Variants in SLC7A9 observed in about 807,000 individuals in gnomAD.
SLC7A9 encodes B(0,+)-type amino acid transporter 1.
SLC7A9 carries 38 observed loss-of-function variants against 54.1 expected under a neutral mutation model. The observed-to-expected ratio is 0.70, with a 90% confidence interval of 0.54 to 0.92. The LOEUF (loss-of-function observed/expected upper bound fraction) is 0.92. SLC7A9 is among the 40% of genes least tolerant of loss of function. SLC7A9 has a pLI of 0.00. For missense variants in SLC7A9, 537 were observed against 636.1 expected (o/e 0.84, Z 1.68); for synonymous variants, 264 against 258.9 (o/e 1.02, Z -0.19).
intron 9 of SLC7A9, among the ~76,000 whole-genome samples, chr19:32,853,289 C>T (rs185702497): frequency 1.4e-4 from 22 of 152,092 alleles, no homozygotes; most frequent in African/African-American, 3.9e-4. Context: ...CCTGGAGCTG[C>T]GGGTGAAAGC....
chr19:32,847,562 G>T (rs1294670470), intron 9 of SLC7A9, among the ~76,000 whole-genome samples: 1 of 152,192 alleles, frequency 6.6e-6, no homozygotes, highest in Admixed American at 6.5e-5. Context: ...ACGTCTGATT[G>T]GTGTACCTGA....
chr19:32,845,825 T>C (rs1364287787), intron 9 of SLC7A9, among the ~76,000 whole-genome samples: 3 of 152,060 alleles, frequency 2.0e-5, no homozygotes, highest in African/African-American at 7.2e-5. Flanking sequence ...CTGGCCAACA[T>C]AGTGAAACCC....
intron 2 of SLC7A9, among the ~76,000 whole-genome samples, chr19:32,864,988 G>A (rs990527636): frequency 2.0e-5 from 3 of 152,176 alleles, no homozygotes; most frequent in Admixed American, 6.5e-5. Context: ...ACAGCCCCGC[G>A]AGCTGGCCAC....
At position 32,862,347 on chromosome 19, in the gene SLC7A9, C is replaced by T; in HGVS notation, c.604+114G>A. Reference sequence around the variant, plus strand: ...GCCCTGAAACTAAGGATCCCTCCCACCGAGTTCCTGCCATGCTTCCTTGGA... The same window carrying T: ...GCCCTGAAACTAAGGATCCCTCCCATCGAGTTCCTGCCATGCTTCCTTGGA... On this transcript the variant is annotated intron_variant, in intron 5 of 12. Transcript: ENST00000023064. 4 of 1,513,176 alleles carry T rather than the reference C, an allele frequency of 2.6e-6. No individual in the cohort carries two copies. In the Admixed American group the frequency reaches 6.7e-5, roughly 25 times the overall value. The allele number at this position is 1,513,176 out of a possible 1,614,324, so 93.7% of individuals were successfully genotyped here.
chr19:32,858,750 C>T (rs889056865), intron 8 of SLC7A9, among the ~76,000 whole-genome samples: 6 of 133,242 alleles, frequency 4.5e-5, no homozygotes, highest in African/African-American at 1.6e-4. Flanking sequence ...CTCTTATCTA[C>T]TACTCCCTGG....
intron 9 of SLC7A9, among the ~76,000 whole-genome samples, chr19:32,857,435 C>T (rs1201755178): frequency 1.3e-5 from 2 of 151,880 alleles, no homozygotes; most frequent in Non-Finnish European, 2.9e-5. Context: ...CAGAGTGAGA[C>T]CTTGCCTCAA....
chr19:32,831,124 G>A (rs1485454456), intron 12 of SLC7A9, among the ~76,000 whole-genome samples: 1 of 151,424 alleles, frequency 6.6e-6, no homozygotes, highest in Non-Finnish European at 1.5e-5. Flanking sequence ...GGTTTCCTAG[G>A]CAGGCGGATC....
intron 11 of SLC7A9, among the ~76,000 whole-genome samples, chr19:32,835,166 T>C (rs1351167660): frequency 6.6e-6 from 1 of 152,350 alleles, no homozygotes; most frequent in Non-Finnish European, 1.5e-5. Context: ...TCATGATATA[T>C]TATCTTTTTA....
rs45628833 is a variant in SLC7A9 at position 32,843,968 on chromosome 19, C to T, written c.978-17G>A. ...TAAATGAGTCTGGAAAATAACGACA[C>T]GGGAGTCCGCTGACCAGAGTGCAGA... On this transcript the variant is annotated splice_polypyrimidine_tract_variant and intron_variant, in intron 9 of 12. Transcript: ENST00000023064. The T allele has an allele frequency of 4.8e-3, 7,566 of 1,581,220 alleles. 20 individuals are homozygous for T. Among genetic ancestry groups the T allele is most frequent in the Non-Finnish European group, 6.1e-3 (7,014 of 1,151,326 alleles).
In SLC7A9 at chr19:32,833,079, C is replaced by G. The variant is rs573790375; in HGVS notation, c.1399+70G>C. ...GACACTGTGACAGAGGTCTTGGAGT[C>G]AGGACAGGTGAGGACGCCGTGCCTG... On this transcript the variant is annotated intron_variant, in intron 12 of 12. Transcript: ENST00000023064. The G allele has an allele frequency of 8.5e-5, 123 of 1,447,584 alleles. No homozygotes were observed. In the Admixed American group the frequency reaches 1.4e-3, roughly 16 times the overall value. 89.7% of individuals were successfully genotyped at this position (1,447,584 alleles called of 1,614,324 possible).
intron 2 of SLC7A9, among the ~76,000 whole-genome samples, 198 bp from the exon 3 acceptor site, chr19:32,864,974 C>T (rs997781252): frequency 7.2e-5 from 11 of 152,174 alleles, no homozygotes; most frequent in African/African-American, 2.2e-4. Flanking sequence ...GATTAATTAT[C>T]GTGACAGCCC....
chr19:32,847,076 A>G (rs1968319981), intron 9 of SLC7A9, among the ~76,000 whole-genome samples: 1 of 152,244 alleles, frequency 6.6e-6, no homozygotes, highest in Admixed American at 6.5e-5. Context: ...TAAACCACAA[A>G]GATGGGGAAA....
At position 32,862,538 on chromosome 19, in the gene SLC7A9, A is replaced by G. The variant is rs761116805; in HGVS notation, c.527T>C (p.Val176Ala). 3.7e-6 allele frequency: 6 copies of G among 1,613,764 alleles called. No homozygotes were observed. The highest frequency in any genetic ancestry group is 1.3e-5 in the African/African-American group (1 of 74,910). ...CTTGGCCGCGGTGAAGATGTTCTGG[A>G]CGTAGCTTCCCAGCCGCACGCTCAG... ...NSLSVRLGSY[V>A]QNIFTAAKLV... The change falls in exon 5 of 13, where the codon GTC becomes GCC. Residue 176 changes from valine to alanine, a missense_variant. Transcript: ENST00000023064.
chr19:32,835,648 T>G (rs2145797827), intron 11 of SLC7A9, among the ~76,000 whole-genome samples: 1 of 152,318 alleles, frequency 6.6e-6, no homozygotes, highest in East Asian at 1.9e-4. Context: ...CTGATTATTA[T>G]TCACTCATTC....
chr19:32,837,747 C>T (rs1246018799), intron 11 of SLC7A9, among the ~76,000 whole-genome samples: 14 of 152,106 alleles, frequency 9.2e-5, no homozygotes, highest in Admixed American at 9.2e-4. Flanking sequence ...TTCAGTACGC[C>T]TACACGTGAT....
chr19:32,855,088 A>G (rs1183886436), intron 9 of SLC7A9, among the ~76,000 whole-genome samples: 1 of 152,244 alleles, frequency 6.6e-6, no homozygotes, highest in African/African-American at 2.4e-5. Flanking sequence ...ATAATGTAAT[A>G]GATACACAAT....
chr19:32,841,008 G>A (rs1968113305), intron 11 of SLC7A9, among the ~76,000 whole-genome samples: 2 of 152,106 alleles, frequency 1.3e-5, no homozygotes, highest in Admixed American at 6.6e-5. Context: ...CTATGCTACC[G>A]TCATAATTTT....
intron 7 of SLC7A9, 78 bp downstream of exon 7, chr19:32,860,528 G>C: frequency 1.9e-6 from 3 of 1,612,054 alleles, no homozygotes; most frequent in Non-Finnish European, 1.7e-6. Flanking sequence ...AATACCCAGG[G>C]AAATAGCTCC....
chr19:32,830,564 C>T lies in SLC7A9; in HGVS notation c.*56G>A, dbSNP rs1967748286. On this transcript the variant is annotated 3_prime_UTR_variant, in exon 13 of 13. Transcript: ENST00000023064. Reference sequence around the variant, plus strand: ...TAAGAAAAAAAGGAAGAAATAACCACAAATATTGCTTAAGAAAATAAATTC... The same window carrying T: ...TAAGAAAAAAAGGAAGAAATAACCATAAATATTGCTTAAGAAAATAAATTC... 1 of 1,337,034 alleles carries T rather than the reference C, an allele frequency of 7.5e-7. No individual in the cohort carries two copies. The highest frequency in any genetic ancestry group is 1.1e-6 in the Non-Finnish European group (1 of 928,028). 82.8% of individuals were successfully genotyped at this position (1,337,034 alleles called of 1,614,324 possible).
Sources: allele counts gnomAD v4.1 joint callset (sites outside exome capture counted in the v4.1 genomes callset), GRCh38; gene constraint gnomAD v4.1.1; transcripts MANE v1.5; gene names NCBI Gene and HGNC (gene_info 2026-07-23, HGNC 2026-07-21).